THSD7B: variants seen among roughly 807,000 people sequenced by gnomAD.
The protein encoded by THSD7B is thrombospondin type-1 domain-containing protein 7B.
Under a neutral mutation model 213.6 loss-of-function variants are expected in THSD7B, and 138 were observed. That is an observed-to-expected ratio of 0.65 (90% CI 0.56 to 0.74). THSD7B has a LOEUF of 0.74. Ranked by LOEUF, THSD7B falls within the 30% of genes least tolerant of loss-of-function variation. THSD7B has a pLI of 0.00. For synonymous variants in THSD7B, 742 were observed against 687.0 expected (o/e 1.08, Z -1.25); for missense variants, 1,931 against 1,991.5 (o/e 0.97, Z 0.58).
intron 11 of THSD7B, among the ~76,000 whole-genome samples, chr2:137,273,961 C>CA (rs1370074905): frequency 6.6e-6 from 1 of 152,000 alleles, no homozygotes; most frequent in African/African-American, 2.4e-5. Flanking sequence ...CAGATAAAAT[C>CA]AAAAAACTAT....
Position 137,451,004 on chromosome 2 carries a change from A to C in THSD7B, c.3119A>C (p.Lys1040Thr), listed in dbSNP as rs763193017. The C allele has an allele frequency of 9.4e-6, 15 of 1,600,434 alleles. No individual in the cohort carries two copies. The South Asian group carries it at 1.7e-4, about 18-fold the overall frequency. The change falls in exon 15 of 28, where the codon AAA becomes ACA. Residue 1040 changes from lysine to threonine, a missense_variant. Coordinates refer to ENST00000409968, the MANE Select transcript of THSD7B (RefSeq NM_001316349.2). ...TACAATGGAGGACGACCATGTCCCA[A>C]ACTGGATCTCAAGAATCAGGTAAAG... ...KPYNGGRPCP[K>T]LDLKNQVHEA...
At chr2:137,514,445 G>T (rs751671700) in intron 15 of THSD7B, among the ~76,000 whole-genome samples, 1 of 152,094 alleles carries the variant, frequency 6.6e-6, no homozygotes, top group African/African-American at 2.4e-5. Context: ...TTTGGGACTC[G>T]GACTGGCTTC....
intron 20 of THSD7B, among the ~76,000 whole-genome samples, chr2:137,634,441 A>G (rs1223085062): frequency 1.3e-5 from 2 of 152,190 alleles, no homozygotes; most frequent in African/African-American, 2.4e-5. Context: ...AATTGCTCAG[A>G]TATTTTATTC....
At chr2:136,904,295 A>G (rs1377450475) in intron 2 of THSD7B, among the ~76,000 whole-genome samples, 1 of 152,034 alleles carries the variant, frequency 6.6e-6, no homozygotes. Context: ...TGTCTGAGTA[A>G]ATGAGTCATC....
At chr2:137,070,808 C>T (rs185733847) in intron 3 of THSD7B, among the ~76,000 whole-genome samples, 70 of 151,814 alleles carry the variant, frequency 4.6e-4, no homozygotes, top group African/African-American at 1.5e-3. Flanking sequence ...TGAGAACATG[C>T]GGTGTTTGGT....
intron 5 of THSD7B, among the ~76,000 whole-genome samples, chr2:137,159,377 A>G (rs1371531483): frequency 6.6e-6 from 1 of 152,134 alleles, no homozygotes; most frequent in East Asian, 1.9e-4. Context: ...ACAGTGAGCT[A>G]TGATGGTACC....
intron 7 of THSD7B, among the ~76,000 whole-genome samples, chr2:137,189,425 C>A (rs533282796): frequency 6.6e-6 from 1 of 152,112 alleles, no homozygotes; most frequent in Non-Finnish European, 1.5e-5. Flanking sequence ...TTATGATGTT[C>A]GCTCTAGGCC....
At chr2:137,632,926 TC>T (rs1682768158) in intron 20 of THSD7B, among the ~76,000 whole-genome samples, 1 of 152,124 alleles carries the variant, frequency 6.6e-6, no homozygotes, top group Non-Finnish European at 1.5e-5. Context: ...TAAAAGGGTA[TC>T]CGGAGACCTG....
At chr2:136,785,099 G>T (rs1163574741) in intron 1 of THSD7B, among the ~76,000 whole-genome samples, 1 of 152,166 alleles carries the variant, frequency 6.6e-6, no homozygotes, top group African/African-American at 2.4e-5. Flanking sequence ...AGTCTGCCAT[G>T]ATCTGAGCTG....
chr2:136,852,564 G>T (rs145181718), intron 1 of THSD7B, among the ~76,000 whole-genome samples: 2 of 152,118 alleles, frequency 1.3e-5, no homozygotes, highest in African/African-American at 4.8e-5. Flanking sequence ...ATTGTTAGAT[G>T]ATGAGTATTG....
At chr2:137,334,188 CTCTCTCTCTCTCTT>C (rs1300900899) in intron 12 of THSD7B, among the ~76,000 whole-genome samples, 2 of 151,996 alleles carry the variant, frequency 1.3e-5, no homozygotes, top group South Asian at 2.1e-4. Flanking sequence ...CTCTCTCTCT[CTCTCTCTCTCTCTT>C]TCTCTCTTTC....
At chr2:136,902,715 T>G (rs926255640) in intron 2 of THSD7B, among the ~76,000 whole-genome samples, 1 of 152,170 alleles carries the variant, frequency 6.6e-6, no homozygotes, top group Non-Finnish European at 1.5e-5. Flanking sequence ...GGGTTCTCAG[T>G]CACAGGAGAA....
rs189272170 is a variant in THSD7B, at chr2:136,995,010, C to T, written c.140-61410C>T. On this transcript the variant is annotated intron_variant, in intron 2 of 27. Coordinates refer to ENST00000409968, the MANE Select transcript of THSD7B (RefSeq NM_001316349.2). ...GAGCTAGCCTGACTCTGCAGTAGTC[C>T]TATCCCATGTGTTTTCTGTAGTCTT... Among the ~76,000 whole-genome samples, 10 of 152,278 alleles carry T rather than the reference C, an allele frequency of 6.6e-5. No homozygotes were observed. In the East Asian group the frequency reaches 1.9e-3, roughly 29 times the overall value.
rs553157282 is a variant in THSD7B, at chr2:136,892,783, T to C, written c.139+10466T>C. ...TCAAGCCACAAGCCTTGCCCCTTCT[T>C]AGAGTGTCTAGGTCCCAAGCCTTCC... On this transcript the variant is annotated intron_variant, in intron 2 of 27. Transcript: ENST00000409968. Among the ~76,000 whole-genome samples, 67 of 152,218 alleles carry C rather than the reference T, an allele frequency of 4.4e-4. 4 individuals carry two copies. In the South Asian group the frequency reaches 0.014, roughly 31 times the overall value.
chr2:137,244,274 A>G (rs1301197638), intron 10 of THSD7B, among the ~76,000 whole-genome samples: 1 of 152,342 alleles, frequency 6.6e-6, no homozygotes, highest in Non-Finnish European at 1.5e-5. Flanking sequence ...TATTTATTTT[A>G]GCTTCTTATT....
chr2:137,373,542 GTTGT>G (rs1337242989), intron 12 of THSD7B, among the ~76,000 whole-genome samples: 53 of 152,254 alleles, frequency 3.5e-4, no homozygotes, highest in South Asian at 6.2e-4. Flanking sequence ...TGTTGATGGG[GTTGT>G]TTGTTTTTTT....
chr2:137,188,445 AG>A (rs1680594010), intron 7 of THSD7B, among the ~76,000 whole-genome samples: 2 of 151,300 alleles, frequency 1.3e-5, no homozygotes, highest in African/African-American at 4.8e-5. Context: ...TATTAGTTCC[AG>A]GGCCTCCTAA....
intron 1 of THSD7B, among the ~76,000 whole-genome samples, chr2:136,825,125 C>T (rs534178799): frequency 6.6e-6 from 1 of 152,190 alleles, no homozygotes; most frequent in African/African-American, 2.4e-5. Context: ...CAATATTTGT[C>T]TTTTAATGTT....
intron 12 of THSD7B, among the ~76,000 whole-genome samples, chr2:137,381,502 G>T (rs1467124645): frequency 1.3e-5 from 2 of 152,152 alleles, no homozygotes; most frequent in African/African-American, 2.4e-5. Context: ...TAGAGGCCCG[G>T]CTTCAGAGCT....
Sources: allele counts gnomAD v4.1 joint callset (sites outside exome capture counted in the v4.1 genomes callset), GRCh38; gene constraint gnomAD v4.1.1; transcripts MANE v1.5; gene names NCBI Gene and HGNC (gene_info 2026-07-23, HGNC 2026-07-21).